Variants in PTPRC observed in about 807,000 individuals in gnomAD.
PTPRC encodes the protein receptor-type tyrosine-protein phosphatase C.
In PTPRC, 44 loss-of-function variants were observed where a neutral mutation model predicts 155.9. The ratio of observed to expected loss-of-function variants is 0.28; its 90% CI spans 0.22 to 0.36. The LOEUF (loss-of-function observed/expected upper bound fraction) is 0.36. Ranked by LOEUF, PTPRC falls within the 10% of genes least tolerant of loss-of-function variation. The probability of loss-of-function intolerance (pLI) is 1.00; values close to 1 mark genes in which losing one functional copy is unlikely to be tolerated. For synonymous variants in PTPRC, 525 were observed against 533.1 expected, an observed-to-expected ratio of 0.98 and a Z score of 0.21; for missense variants, 1,401 against 1,564.6, an observed-to-expected ratio of 0.90 and a Z score of 1.76.
At chr1:198,673,486 C>T (rs1348390231) in intron 2 of PTPRC, among the ~76,000 whole-genome samples, 1 of 151,872 alleles carries the variant, frequency 6.6e-6, no homozygotes, top group African/African-American at 2.4e-5. Context: ...ATATATATGA[C>T]CTAGTATAAC....
At chr1:198,708,297 G>A in intron 10 of PTPRC, 36 bp downstream of exon 10, 1 of 1,566,730 alleles carries the variant, frequency 6.4e-7, no homozygotes, top group Non-Finnish European at 8.7e-7. Context: ...ATTTTTTTTT[G>A]TGGCACAATG....
chr1:198,676,409 G>A (rs1664954535), intron 2 of PTPRC, among the ~76,000 whole-genome samples: 1 of 152,166 alleles, frequency 6.6e-6, no homozygotes, highest in East Asian at 1.9e-4. Flanking sequence ...TTAAGAAACA[G>A]ATGGTAGATC....
chr1:198,648,733 T>G (rs977151257), intron 2 of PTPRC, among the ~76,000 whole-genome samples: 13 of 151,864 alleles, frequency 8.6e-5, no homozygotes, highest in Non-Finnish European at 1.9e-4. Flanking sequence ...TTGATTAATT[T>G]GTCTTCACTA....
At chr1:198,717,411 C>G (rs1257494873) in intron 13 of PTPRC, among the ~76,000 whole-genome samples, 6 of 152,156 alleles carry the variant, frequency 3.9e-5, no homozygotes, top group Non-Finnish European at 5.9e-5. Flanking sequence ...GTTAGATCTG[C>G]TTCTGGGGCA....
At chr1:198,660,067 A>ATATG (rs1315830203) in intron 2 of PTPRC, among the ~76,000 whole-genome samples, 22 of 101,632 alleles carry the variant, frequency 2.2e-4, no homozygotes, top group African/African-American at 7.4e-4. Context: ...ATATATATAT[A>ATATG]TGATCTTTTT....
At chr1:198,709,653 C>T (rs1163551284) in intron 10 of PTPRC, 34 bp from the exon 11 acceptor site, 5 of 1,456,790 alleles carry the variant, frequency 3.4e-6, no homozygotes, top group African/African-American at 1.4e-5. Flanking sequence ...AATATTGCAT[C>T]GATATATTCA....
chr1:198,736,670 A>AATC (rs1478117365), intron 23 of PTPRC, among the ~76,000 whole-genome samples: 1 of 151,642 alleles, frequency 6.6e-6, no homozygotes, highest in East Asian at 1.9e-4. Context: ...TTATCTCTTC[A>AATC]ATCTACTGTT....
Position 198,757,465 on chromosome 1 carries a change from C to T in PTPRC, c.*1284C>T, listed in dbSNP as rs144487451. 1.6e-3 allele frequency: 247 copies of T among 151,402 alleles called. 1 individual carries two copies. Among genetic ancestry groups the T allele is most frequent in the African/African-American group, 5.1e-3 (211 of 41,410 alleles). The allele number at this position is 151,402 out of a possible 1,614,324, so 9.4% of individuals were successfully genotyped here. A position where few individuals can be genotyped will look rare whatever the true frequency, so the allele number is the denominator to read the frequency against. On this transcript the variant is annotated 3_prime_UTR_variant, in exon 33 of 33. Coordinates refer to ENST00000442510, the MANE Select transcript of PTPRC (RefSeq NM_002838.5). ...TATTTTTCATGAAGTAATAAAAACT[C>T]GTTTTGGTGAATTCTGTAATAGCTT...
rs147515054 is a variant in PTPRC at position 198,732,375 on chromosome 1, G to A, written c.2050G>A (p.Val684Ile). 18 of 1,611,730 alleles carry A rather than the reference G, an allele frequency of 1.1e-5. No homozygotes were observed. In the African/African-American group the frequency reaches 1.7e-4, roughly 16 times the overall value. ...KPFNQNKNRY[V>I]DILPYDYNRV... ...CTTTAACCAGAATAAAAACCGTTATGTTGACATTCTTCCTTGTGAGTATTT... is the reference window on the plus strand; with the variant it reads ...CTTTAACCAGAATAAAAACCGTTATATTGACATTCTTCCTTGTGAGTATTT... The change falls in exon 19 of 33, where the codon GTT becomes ATT. Residue 684 changes from valine to isoleucine, a missense_variant. Physicochemically the swap from Val to Ile is conservative, Grantham distance 29 (BLOSUM62 3). Transcript: ENST00000442510.
intron 25 of PTPRC, among the ~76,000 whole-genome samples, chr1:198,743,852 A>C (rs895166440): frequency 1.9e-4 from 29 of 151,892 alleles, no homozygotes; most frequent in Non-Finnish European, 4.0e-4. Flanking sequence ...TGAAAAAATA[A>C]TCTGAAAATA....
chr1:198,737,354 TA>T (rs1312952164), intron 23 of PTPRC, among the ~76,000 whole-genome samples: 1 of 151,042 alleles, frequency 6.6e-6, no homozygotes, highest in African/African-American at 2.4e-5. Context: ...CCATTTTTTT[TA>T]TTTAATGTTT....
intron 2 of PTPRC, among the ~76,000 whole-genome samples, chr1:198,652,202 G>A (rs141137861): frequency 9.9e-5 from 15 of 151,724 alleles, no homozygotes; most frequent in Admixed American, 3.3e-4. Flanking sequence ...TCTTCCTGTC[G>A]CTGCTTAATT....
chr1:198,663,842 A>G (rs74134770), intron 2 of PTPRC, among the ~76,000 whole-genome samples: 2,530 of 152,218 alleles, frequency 0.017, 70 homozygotes, highest in African/African-American at 0.058. Flanking sequence ...ATATGTTAGT[A>G]ATTATTATTT....
intron 16 of PTPRC, 114 bp from the exon 17 acceptor site, chr1:198,729,023 T>A (rs1443744434): frequency 8.3e-7 from 1 of 1,201,182 alleles, no homozygotes; most frequent in Non-Finnish European, 1.2e-6. Flanking sequence ...CCCCTTTTCT[T>A]ATCCCTGACT....
intron 15 of PTPRC, among the ~76,000 whole-genome samples, chr1:198,726,764 T>G (rs1654151583): frequency 6.6e-6 from 1 of 152,066 alleles, no homozygotes; most frequent in South Asian, 2.1e-4. Context: ...ATACATCCCC[T>G]CTACTTCCTT....
At chr1:198,665,081 T>C (rs1450656629) in intron 2 of PTPRC, among the ~76,000 whole-genome samples, 1,455 of 9,186 alleles carry the variant, frequency 0.16, 192 homozygotes, top group East Asian at 0.21. Flanking sequence ...CCCGGCAGCA[T>C]TTTTTTTTTT....
intron 27 of PTPRC, 88 bp downstream of exon 27, chr1:198,748,287 T>A: frequency 6.8e-7 from 1 of 1,480,002 alleles, no homozygotes; most frequent in Non-Finnish European, 9.0e-7. Flanking sequence ...TCATATAAAT[T>A]ATCTTGAAGC....
intron 12 of PTPRC, 132 bp from the exon 13 acceptor site, chr1:198,716,550 T>G: frequency 2.7e-6 from 2 of 738,176 alleles, no homozygotes; most frequent in Middle Eastern, 3.8e-4. Flanking sequence ...GTATCAAGGA[T>G]GTACTTATTT....
intron 2 of PTPRC, among the ~76,000 whole-genome samples, chr1:198,640,687 T>G (rs1662529382): frequency 6.6e-6 from 1 of 152,046 alleles, no homozygotes; most frequent in Non-Finnish European, 1.5e-5. Context: ...GAACAGATTT[T>G]CATTTAAAAT....
Sources: allele counts gnomAD v4.1 joint callset (sites outside exome capture counted in the v4.1 genomes callset), GRCh38; gene constraint gnomAD v4.1.1; transcripts MANE v1.5; gene names NCBI Gene and HGNC (gene_info 2026-07-23, HGNC 2026-07-21).